The following DAPK2 variants were observed in gnomAD, a reference collection of about 807,000 sequenced individuals.
The protein encoded by DAPK2 is death-associated protein kinase 2.
DAPK2 carries 35 observed loss-of-function variants against 44.1 expected under a neutral mutation model. The ratio of observed to expected loss-of-function variants is 0.79; its 90% CI spans 0.61 to 1.05. DAPK2 has a LOEUF of 1.05. Ranked by LOEUF, DAPK2 falls within the 50% of genes least tolerant of loss-of-function variation. The pLI, the probability that DAPK2 is intolerant of heterozygous loss-of-function variation, is 0.00. For synonymous variants in DAPK2, 174 were observed against 182.6 expected, an observed-to-expected ratio of 0.95 and a Z score of 0.38; for missense variants, 453 against 483.2, an observed-to-expected ratio of 0.94 and a Z score of 0.59.
intron 8 of DAPK2, chr15:63,920,883 G>A: frequency 6.6e-6 from 1 of 152,406 alleles, no homozygotes; most frequent in Non-Finnish European, 1.5e-5. Flanking sequence ...TCTCATCACA[G>A]AGCTCTGGTA....
intron 3 of DAPK2, among the ~76,000 whole-genome samples, chr15:63,954,658 T>C (rs1198259904): frequency 1.3e-5 from 2 of 152,244 alleles, no homozygotes; most frequent in East Asian, 3.8e-4. Flanking sequence ...CATATACATT[T>C]TAGGTTTTGT....
At chr15:64,007,438 C>A (rs1368186239) in intron 1 of DAPK2, among the ~76,000 whole-genome samples, 1 of 152,064 alleles carries the variant, frequency 6.6e-6, no homozygotes, top group Non-Finnish European at 1.5e-5. Context: ...CATCTTAGCT[C>A]CAGCCAGAGC....
At chr15:63,940,464 A>G (rs1054787331) in intron 3 of DAPK2, among the ~76,000 whole-genome samples, 2 of 152,174 alleles carry the variant, frequency 1.3e-5, no homozygotes, top group Non-Finnish European at 2.9e-5. Context: ...TAATCCCAGC[A>G]CTTTGGGAGG....
chr15:63,946,899 A>G (rs2077462681), intron 3 of DAPK2, among the ~76,000 whole-genome samples: 1 of 152,196 alleles, frequency 6.6e-6, no homozygotes, highest in Non-Finnish European at 1.5e-5. Flanking sequence ...AACCTGAGAA[A>G]GGAAGGCCGC....
chr15:64,014,595 G>C (rs943256447), intron 1 of DAPK2, among the ~76,000 whole-genome samples: 1 of 152,204 alleles, frequency 6.6e-6, no homozygotes, highest in Non-Finnish European at 1.5e-5. Flanking sequence ...AACAAGGCCT[G>C]ATCCCTCAGA....
intron 1 of DAPK2, among the ~76,000 whole-genome samples, chr15:64,031,854 T>G (rs332236): frequency 0.82 from 125,329 of 152,098 alleles, 51,945 homozygotes; most frequent in East Asian, 0.92. Context: ...AGAATTAAAC[T>G]CAATAATGTA....
At chr15:63,946,737 T>C (rs1477885781) in intron 3 of DAPK2, among the ~76,000 whole-genome samples, 1 of 152,154 alleles carries the variant, frequency 6.6e-6, no homozygotes, top group Admixed American at 6.5e-5. Flanking sequence ...CCTCTCCAGA[T>C]GCCCGTGTGG....
At chr15:63,952,650 T>TA (rs902823817) in intron 3 of DAPK2, among the ~76,000 whole-genome samples, 113 of 151,146 alleles carry the variant, frequency 7.5e-4, no homozygotes, top group African/African-American at 2.4e-3. Flanking sequence ...ATCTGTTTTT[T>TA]TTTATTTATT....
intron 1 of DAPK2, among the ~76,000 whole-genome samples, chr15:64,002,856 A>G (rs2079117437): frequency 6.6e-6 from 1 of 151,936 alleles, no homozygotes; most frequent in Non-Finnish European, 1.5e-5. Flanking sequence ...AGAATCGCCT[A>G]ATTAATGAAA....
chr15:63,956,101 G>A (rs961944534), intron 3 of DAPK2, among the ~76,000 whole-genome samples: 2 of 152,134 alleles, frequency 1.3e-5, no homozygotes, highest in African/African-American at 4.8e-5. Flanking sequence ...GCTCACAGTA[G>A]CCACTAATGA....
intron 8 of DAPK2, chr15:63,920,872 C>T (rs1248915449): frequency 6.6e-6 from 1 of 152,432 alleles, no homozygotes; most frequent in Non-Finnish European, 1.5e-5. Context: ...TCCACACCGC[C>T]TCTCATCACA....
At chr15:64,001,212 C>CAAAA (rs373745530) in intron 1 of DAPK2, among the ~76,000 whole-genome samples, 1 of 139,638 alleles carries the variant, frequency 7.2e-6, no homozygotes, top group Non-Finnish European at 1.5e-5. Flanking sequence ...CACTACCTGC[C>CAAAA]AAAAAAAAAA....
chr15:64,039,784 A>G (rs956819133), intron 1 of DAPK2, among the ~76,000 whole-genome samples: 4 of 152,140 alleles, frequency 2.6e-5, no homozygotes, highest in Non-Finnish European at 4.4e-5. Context: ...TCAAGTTCTG[A>G]GCTTAAAACA....
rs141156010 is a variant in DAPK2 at position 63,992,416 on chromosome 15, T to C, written c.93-8662A>G. ...GCATCCTCCTAACTGTCCACTCACC[T>C]ATCCATCTGTCTCTCATTTACTGAT... is the stretch of plus-strand genomic sequence containing the variant. On this transcript the variant is annotated intron_variant, in intron 1 of 10. Coordinates refer to ENST00000261891, the Ensembl canonical transcript of DAPK2. Among the ~76,000 whole-genome samples the C allele has an allele frequency of 3.3e-3, 502 of 150,940 alleles. 5 individuals are homozygous for C. Among genetic ancestry groups the C allele is most frequent in the African/African-American group, 0.012 (483 of 41,296 alleles).
intron 2 of DAPK2, among the ~76,000 whole-genome samples, chr15:63,976,659 T>G (rs1043178000): frequency 2.0e-5 from 3 of 152,206 alleles, no homozygotes; most frequent in Non-Finnish European, 4.4e-5. Context: ...GAGCCGTGAT[T>G]GTGCCATTGC....
chr15:63,915,589 G>A (rs569121842), intron 8 of DAPK2, among the ~76,000 whole-genome samples: 27 of 152,320 alleles, frequency 1.8e-4, no homozygotes, highest in African/African-American at 5.3e-4. Flanking sequence ...GGGGAATCTC[G>A]TTAATGAGAA....
In DAPK2 at chr15:63,908,386, A is replaced by C; in HGVS notation, c.*134T>G. 1 of 464,466 alleles carries C rather than the reference A, an allele frequency of 2.2e-6. No individual in the cohort carries two copies. The highest frequency in any genetic ancestry group is 3.7e-6 in the Non-Finnish European group (1 of 268,698). The allele number at this position is 464,466 out of a possible 1,614,324, so 28.8% of individuals were successfully genotyped here. A position where few individuals can be genotyped will look rare whatever the true frequency, so the allele number is the denominator to read the frequency against. ...CTGGCTTGCCTGCAAGCTCTTCTGA[A>C]TTCCTTGGGCCCATCTCTCTTGCAA... On this transcript the variant is annotated 3_prime_UTR_variant, in exon 11 of 11. Coordinates refer to ENST00000261891, the Ensembl canonical transcript of DAPK2. The surrounding 1 kb of genome is among the most constrained non-coding windows in gnomAD (Gnocchi z 5.7).
At chr15:63,929,620 A>T in intron 5 of DAPK2, 43 bp from the exon 7 acceptor site, 1 of 1,613,234 alleles carries the variant, frequency 6.2e-7, no homozygotes, top group Non-Finnish European at 8.5e-7. Context: ...CCTGGGTCCC[A>T]TCCCCGACCA....
chr15:63,914,556 C>G (rs2078877938), intron 8 of DAPK2, among the ~76,000 whole-genome samples: 1 of 152,174 alleles, frequency 6.6e-6, no homozygotes, highest in Admixed American at 6.5e-5. Flanking sequence ...GGTGACCAAT[C>G]TGTGCTGAAG....
Sources: gnomAD v4.1 joint callset for allele counts (sites outside exome capture counted in the v4.1 genomes callset) on GRCh38, gnomAD v4.1.1 for gene constraint, Gnocchi (gnomAD v3.1) non-coding constraint, MANE v1.5 for transcripts, NCBI Gene and HGNC (gene_info 2026-07-23, HGNC 2026-07-21) for gene names.